SLC35A1: variants seen among roughly 807,000 people sequenced by gnomAD.
The protein encoded by SLC35A1 is CMP-sialic acid transporter.
In SLC35A1, 21 loss-of-function variants were observed where a neutral mutation model predicts 40.3. The ratio of observed to expected loss-of-function variants is 0.52; its 90% CI spans 0.37 to 0.75. The LOEUF (loss-of-function observed/expected upper bound fraction) is 0.75. Ranked by LOEUF, SLC35A1 falls within the 30% of genes least tolerant of loss-of-function variation. The pLI is 0.00. For synonymous variants in SLC35A1, 146 were observed against 147.3 expected (o/e 0.99, Z 0.06); for missense variants, 297 against 382.1 (o/e 0.78, Z 1.86).
At chr6:87,482,041 T>C (rs1187574564) in intron 2 of SLC35A1, among the ~76,000 whole-genome samples, 2 of 152,216 alleles carry the variant, frequency 1.3e-5, no homozygotes, top group East Asian at 3.8e-4. Context: ...TAGTTTTACA[T>C]TCAGGAGGCC....
chr6:87,511,640 C>T lies in SLC35A1; in HGVS notation c.*114C>T. 1 of 1,156,774 alleles carries T rather than the reference C, an allele frequency of 8.6e-7. No homozygotes were observed. Among genetic ancestry groups the T allele is most frequent in the Non-Finnish European group, 1.3e-6 (1 of 766,814 alleles). 71.7% of individuals were successfully genotyped at this position (1,156,774 alleles called of 1,614,324 possible). A position where few individuals can be genotyped will look rare whatever the true frequency, so the allele number is the denominator to read the frequency against. ...ATAAAAATTAACTGTATGGCATGAT[C>T]AGTGCGGTTATGTGGAAACAACAAC... is the stretch of plus-strand genomic sequence containing the variant. On this transcript the variant is annotated 3_prime_UTR_variant, in exon 8 of 8. Transcript: ENST00000369552.
chr6:87,484,623 C>A (rs1769343344), intron 2 of SLC35A1, among the ~76,000 whole-genome samples: 1 of 152,042 alleles, frequency 6.6e-6, no homozygotes, highest in Non-Finnish European at 1.5e-5. Flanking sequence ...AGTAAGAAAT[C>A]AGAATGAGTC....
At chr6:87,500,099 C>G (rs9450719) in intron 2 of SLC35A1, among the ~76,000 whole-genome samples, 47,764 of 151,922 alleles carry the variant, frequency 0.31, 7,606 homozygotes, top group Admixed American at 0.41. Flanking sequence ...AAGACTCCAT[C>G]TCAAAAATAA....
At chr6:87,485,617 G>T (rs1769369053) in intron 2 of SLC35A1, among the ~76,000 whole-genome samples, 1 of 152,076 alleles carries the variant, frequency 6.6e-6, no homozygotes, top group African/African-American at 2.4e-5. Flanking sequence ...AAAAAAATTA[G>T]CTGGGTGTAG....
intron 4 of SLC35A1, among the ~76,000 whole-genome samples, chr6:87,504,734 C>A (rs866064064): frequency 1.1e-3 from 163 of 152,276 alleles, no homozygotes; most frequent in African/African-American, 3.9e-3. Context: ...TAAGCTGTTT[C>A]CATCACTATT....
chr6:87,499,204 C>T, intron 2 of SLC35A1: 1 of 729,586 alleles, frequency 1.4e-6, no homozygotes, highest in Non-Finnish European at 1.7e-6. Context: ...TGCTTTCTCT[C>T]AGAACTTGGG....
At chr6:87,497,240 T>C (rs1371345579) in intron 2 of SLC35A1, among the ~76,000 whole-genome samples, 1 of 152,248 alleles carries the variant, frequency 6.6e-6, no homozygotes, top group African/African-American at 2.4e-5. Context: ...GTAACATTGC[T>C]ATAATCTTTG....
chr6:87,487,930 C>T (rs567322055), intron 2 of SLC35A1: 1 of 151,870 alleles, frequency 6.6e-6, no homozygotes, highest in Admixed American at 6.6e-5. Flanking sequence ...AGAATTCACA[C>T]GTACAGTCCA....
chr6:87,507,182 A>G (rs1297503689), intron 5 of SLC35A1: 2 of 152,194 alleles, frequency 1.3e-5, no homozygotes, highest in Non-Finnish European at 2.9e-5. Context: ...ATACATCTTT[A>G]TTATTTATTT....
At chr6:87,502,618 AAT>A (rs1411826825) in intron 4 of SLC35A1, among the ~76,000 whole-genome samples, 3 of 152,188 alleles carry the variant, frequency 2.0e-5, no homozygotes, top group Non-Finnish European at 4.4e-5. Flanking sequence ...AAAAGGCACA[AAT>A]ATAGTTTTAT....
intron 2 of SLC35A1, among the ~76,000 whole-genome samples, chr6:87,488,870 G>C (rs1284206567): frequency 2.6e-5 from 4 of 152,218 alleles, no homozygotes; most frequent in Non-Finnish European, 4.4e-5. Context: ...TGAAATGCCA[G>C]TCTCTTTTTC....
chr6:87,479,908 G>A (rs747741486), intron 2 of SLC35A1, among the ~76,000 whole-genome samples: 1 of 152,194 alleles, frequency 6.6e-6, no homozygotes, highest in East Asian at 1.9e-4. Context: ...AGAGTTGAAT[G>A]ACCTATAAGG....
Position 87,477,586 on chromosome 6 carries a change from G to T in SLC35A1, c.194+47G>T, listed in dbSNP as rs776552614. 2.1e-6 allele frequency: 3 copies of T among 1,461,712 alleles called. No homozygotes were observed. In the South Asian group the frequency reaches 3.4e-5, roughly 17 times the overall value. 90.5% of individuals were successfully genotyped at this position (1,461,712 alleles called of 1,614,324 possible). On this transcript the variant is annotated intron_variant, in intron 2 of 7. Transcript: ENST00000369552. The stretch of plus-strand genomic sequence containing the variant: ...GTGTTAAATTATTTTTCTACCTGGT[G>T]AGGGTATTTGTTAGAAAATTCAAGC...
At chr6:87,491,431 C>T (rs3778671) in intron 2 of SLC35A1, among the ~76,000 whole-genome samples, 60,442 of 151,994 alleles carry the variant, frequency 0.4, 12,239 homozygotes, top group African/African-American at 0.47. Context: ...TTGACAATGA[C>T]AGGATTAGAA....
chr6:87,492,637 T>A (rs1029562118), intron 2 of SLC35A1, among the ~76,000 whole-genome samples: 7 of 149,054 alleles, frequency 4.7e-5, no homozygotes, highest in African/African-American at 1.7e-4. Context: ...AACCTCCGCC[T>A]CCTGGGTTCA....
intron 4 of SLC35A1, among the ~76,000 whole-genome samples, chr6:87,503,580 C>T (rs1474525650): frequency 1.3e-5 from 2 of 151,982 alleles, no homozygotes; most frequent in Admixed American, 6.6e-5. Context: ...GGCGTGGTGG[C>T]AGGCGCCTGT....
chr6:87,479,605 G>A (rs1769191533), intron 2 of SLC35A1, among the ~76,000 whole-genome samples: 2 of 152,220 alleles, frequency 1.3e-5, no homozygotes, highest in South Asian at 4.1e-4. Flanking sequence ...ACAACATTCA[G>A]TTTTAATCAT....
chr6:87,498,763 C>T (rs1189376650), intron 2 of SLC35A1, among the ~76,000 whole-genome samples: 1 of 151,966 alleles, frequency 6.6e-6, no homozygotes, highest in Non-Finnish European at 1.5e-5. Context: ...GAGAAAGACT[C>T]CGTCTCAAAA....
chr6:87,497,575 A>G (rs1413122635), intron 2 of SLC35A1, among the ~76,000 whole-genome samples: 1 of 152,212 alleles, frequency 6.6e-6, no homozygotes, highest in East Asian at 1.9e-4. Context: ...AAAAGGGACC[A>G]CAGCAGCCTT....
Sources: gnomAD v4.1 joint callset for allele counts (sites outside exome capture counted in the v4.1 genomes callset) on GRCh38, gnomAD v4.1.1 for gene constraint, MANE v1.5 for transcripts, NCBI Gene and HGNC (gene_info 2026-07-23, HGNC 2026-07-21) for gene names.